PTPRK: variants seen among roughly 807,000 people sequenced by gnomAD.
PTPRK encodes the protein receptor-type tyrosine-protein phosphatase kappa.
Under a neutral mutation model 178.0 loss-of-function variants are expected in PTPRK, and 75 were observed. The ratio of observed to expected loss-of-function variants is 0.42; its 90% CI spans 0.35 to 0.51. PTPRK has a LOEUF of 0.51. Ranked by LOEUF, PTPRK falls within the 20% of genes least tolerant of loss-of-function variation. The probability of loss-of-function intolerance (pLI) is 0.02; values close to 1 mark genes in which losing one functional copy is unlikely to be tolerated. For missense variants in PTPRK, 1,441 were observed against 1,797.8 expected (o/e 0.80, Z 3.59); for synonymous variants, 637 against 620.6 (o/e 1.03, Z -0.39).
At chr6:128,255,030 G>A (rs958254750) in intron 3 of PTPRK, among the ~76,000 whole-genome samples, 14 of 152,074 alleles carry the variant, frequency 9.2e-5, no homozygotes, top group Admixed American at 6.6e-4. Flanking sequence ...TTGCTCTATC[G>A]CCCAGGCTGG....
chr6:128,335,645 C>T (rs868484791), intron 2 of PTPRK, among the ~76,000 whole-genome samples: 1 of 151,800 alleles, frequency 6.6e-6, no homozygotes, highest in Non-Finnish European at 1.5e-5. Flanking sequence ...ATAAACCATA[C>T]AAATATAATA....
chr6:128,003,149 G>A (rs760100543), intron 15 of PTPRK: 55 of 1,544,976 alleles, frequency 3.6e-5, no homozygotes, highest in Non-Finnish European at 4.2e-5. Context: ...CCCATGCAAG[G>A]AGGTGTGATC....
rs898831835 is a variant in PTPRK at position 128,447,904 on chromosome 6, G to A, written c.101-50216C>T. ...CCCAAAGTGCTGGGATTACAGGTGT[G>A]AGCCACCGCGCCCGGCCCATTCTTC... On this transcript the variant is annotated intron_variant, in intron 1 of 29. Transcript: ENST00000368226. Among the ~76,000 whole-genome samples the A allele has an allele frequency of 3.3e-5, 5 of 152,080 alleles. No individual in the cohort carries two copies. In the South Asian group the frequency reaches 1.0e-3, roughly 32 times the overall value.
chr6:128,105,429 G>A (rs1413583512), intron 7 of PTPRK, among the ~76,000 whole-genome samples: 3 of 152,070 alleles, frequency 2.0e-5, no homozygotes, highest in Admixed American at 6.5e-5. Context: ...CACCGCACCC[G>A]GCCTTACCTC....
chr6:128,288,397 G>A (rs866267366), intron 3 of PTPRK, among the ~76,000 whole-genome samples: 26 of 152,174 alleles, frequency 1.7e-4, no homozygotes, highest in Non-Finnish European at 2.2e-4. Context: ...CCCATTTCAT[G>A]TGAAAATATC....
At chr6:128,017,299 G>T (rs544313711) in intron 13 of PTPRK, among the ~76,000 whole-genome samples, 2 of 151,830 alleles carry the variant, frequency 1.3e-5, no homozygotes, top group African/African-American at 2.4e-5. Context: ...TTTGTACAAG[G>T]CTATTTGTAT....
chr6:128,239,861 G>A (rs919325075), intron 5 of PTPRK, among the ~76,000 whole-genome samples, 174 bp downstream of exon 5: 3 of 152,184 alleles, frequency 2.0e-5, no homozygotes, highest in Non-Finnish European at 4.4e-5. Flanking sequence ...TTTCAGAAAA[G>A]GAAATCTCTA....
intron 3 of PTPRK, among the ~76,000 whole-genome samples, chr6:128,245,416 T>C (rs564166693): frequency 1.1e-3 from 174 of 152,352 alleles, no homozygotes; most frequent in Non-Finnish European, 2.0e-3. Context: ...GATGGCAGCA[T>C]GGTTCCATTA....
At chr6:128,230,479 C>T (rs186277864) in intron 5 of PTPRK, among the ~76,000 whole-genome samples, 9 of 152,226 alleles carry the variant, frequency 5.9e-5, no homozygotes, top group Admixed American at 5.2e-4. Context: ...ATGGACGGCA[C>T]CTCTGGGATG....
chr6:128,367,329 T>C (rs1034758883), intron 2 of PTPRK, among the ~76,000 whole-genome samples: 3 of 152,098 alleles, frequency 2.0e-5, no homozygotes, highest in Non-Finnish European at 4.4e-5. Flanking sequence ...TGTCAGCATT[T>C]ACTTAAAGAG....
In PTPRK at chr6:128,464,674, T is replaced by TATATAC. The variant is rs1407701569; in HGVS notation, c.100+55584_100+55585insGTATAT. Among the ~76,000 whole-genome samples the TATATAC allele has an allele frequency of 1.2e-3, 149 of 124,728 alleles. 3 individuals are homozygous for TATATAC. Among genetic ancestry groups the TATATAC allele is most frequent in the South Asian group, 3.1e-3 (12 of 3,850 alleles). The allele number at this position is 124,728 out of a possible 152,430, so 81.8% of individuals were successfully genotyped here. A position where few individuals can be genotyped will look rare whatever the true frequency, so the allele number is the denominator to read the frequency against. On this transcript the variant is annotated intron_variant, in intron 1 of 29. Transcript: ENST00000368226. The stretch of plus-strand genomic sequence containing the variant: ...ATATATATATATATATATATATATA[T>TATATAC]ACAACAGATGGTCACACAACAGCTC...
At chr6:128,423,784 C>T (rs560613060) in intron 1 of PTPRK, among the ~76,000 whole-genome samples, 2 of 151,968 alleles carry the variant, frequency 1.3e-5, no homozygotes, top group East Asian at 1.9e-4. Context: ...GCCAAGATCA[C>T]GCCACTGCAC....
At chr6:127,989,401 G>A (rs1160500343) in intron 21 of PTPRK, among the ~76,000 whole-genome samples, 1 of 151,626 alleles carries the variant, frequency 6.6e-6, no homozygotes, top group Non-Finnish European at 1.5e-5. Context: ...TTAATATTTT[G>A]CCTAATTTTT....
chr6:128,326,207 T>C (rs1447520811), intron 2 of PTPRK, among the ~76,000 whole-genome samples: 1 of 152,060 alleles, frequency 6.6e-6, no homozygotes, highest in Non-Finnish European at 1.5e-5. Context: ...ATACCTAATG[T>C]AGACAACGGG....
In PTPRK at chr6:127,970,234, G is replaced by C; in HGVS notation, c.4316C>G (p.Ser1439Ter). Reference protein sequence around the residue: ...CYDVALEYLESS With the variant: ...CYDVALEYLE Reference sequence around the variant, plus strand: ...TTAAAGAGTCTCACCCAACTAAGATGATTCCAGGTACTCCAAAGCTACATC... The same window carrying C: ...TTAAAGAGTCTCACCCAACTAAGATCATTCCAGGTACTCCAAAGCTACATC... Residue 1439 changes from serine (S) to a stop codon, truncating the protein, a stop_gained, in exon 30 of 30, where the codon TCA (serine) becomes TGA (stop). Transcript: ENST00000368226. LOFTEE classifies it high-confidence loss of function. 1 of 1,608,638 alleles carries C rather than the reference G, an allele frequency of 6.2e-7. No individual in the cohort carries two copies. Among genetic ancestry groups the C allele is most frequent in the Non-Finnish European group, 8.5e-7 (1 of 1,176,670 alleles).
rs544783047 is a variant in PTPRK at position 127,995,176 on chromosome 6, G to A, written c.2844+286C>T. The A allele has an allele frequency of 3.3e-5, 45 of 1,380,290 alleles. No homozygotes were observed. In the East Asian group the frequency reaches 4.9e-4, roughly 15 times the overall value. The allele number at this position is 1,380,290 out of a possible 1,614,324, so 85.5% of individuals were successfully genotyped here. A position where few individuals can be genotyped will look rare whatever the true frequency, so the allele number is the denominator to read the frequency against. ...CAGAAATAACTAGTAGTAACAGAGC[G>A]TTAGTAATAACTGTAATTAAGAATG... On this transcript the variant is annotated intron_variant, in intron 18 of 29. Coordinates refer to ENST00000368226, the MANE Select transcript of PTPRK (RefSeq NM_002844.4).
chr6:128,163,639 G>A (rs558092942), intron 7 of PTPRK, among the ~76,000 whole-genome samples: 53 of 151,492 alleles, frequency 3.5e-4, no homozygotes, highest in South Asian at 6.2e-4. Flanking sequence ...GTCCGTTTGT[G>A]AGAATAAGGT....
At chr6:128,327,581 C>A (rs191939328) in intron 2 of PTPRK, among the ~76,000 whole-genome samples, 101 of 152,214 alleles carry the variant, frequency 6.6e-4, no homozygotes, top group Non-Finnish European at 7.5e-4. Context: ...CTGATTCTGG[C>A]CCCCAATTAT....
chr6:128,275,007 A>G lies in PTPRK; in HGVS notation c.496-32405T>C, dbSNP rs1204819074. Among the ~76,000 whole-genome samples, 3 of 151,990 alleles carry G rather than the reference A, an allele frequency of 2.0e-5. No individual in the cohort carries two copies. The East Asian group carries it at 5.8e-4, about 29-fold the overall frequency. On this transcript the variant is annotated intron_variant, in intron 3 of 29. Transcript: ENST00000368226. The stretch of plus-strand genomic sequence containing the variant: ...AAGTTATGCTCCTGTTTCCAAAGAG[A>G]AGAAAAAAATAAATCTGTGCGATTG...
Sources: gnomAD v4.1 joint callset for allele counts (sites outside exome capture counted in the v4.1 genomes callset) on GRCh38, gnomAD v4.1.1 for gene constraint, MANE v1.5 for transcripts, NCBI Gene and HGNC (gene_info 2026-07-23, HGNC 2026-07-21) for gene names.